KCNMA1: variants seen among roughly 807,000 people sequenced by gnomAD.
KCNMA1 encodes the protein potassium calcium-activated channel subfamily M alpha 1, also known as Calcium-activated potassium channel subunit alpha-1.
A neutral mutation model predicts 140.0 loss-of-function variants in KCNMA1; 29 were observed. That is an observed-to-expected ratio of 0.21 (90% confidence interval 0.15 to 0.28). KCNMA1 has a LOEUF of 0.28. KCNMA1 is among the 10% of genes least tolerant of loss of function. The pLI is 1.00. For synonymous variants in KCNMA1, 612 were observed against 611.9 expected, an observed-to-expected ratio of 1.00 and a Z score of 0.00; for missense variants, 880 against 1,602.2, an observed-to-expected ratio of 0.55 and a Z score of 7.70.
chr10:77,618,109 T>A (rs1021407019), intron 1 of KCNMA1, among the ~76,000 whole-genome samples: 1 of 152,128 alleles, frequency 6.6e-6, no homozygotes, highest in Admixed American at 6.6e-5. Context: ...TCCGGACAGA[T>A]GCAGAGGGTC....
chr10:77,033,798 T>C (rs915284655), intron 15 of KCNMA1, among the ~76,000 whole-genome samples: 7 of 152,098 alleles, frequency 4.6e-5, no homozygotes, highest in African/African-American at 1.2e-4. Context: ...ATTCACTAGC[T>C]CATAGAAGGT....
chr10:77,190,462 A>G (rs1298027782), intron 3 of KCNMA1, among the ~76,000 whole-genome samples: 1 of 152,166 alleles, frequency 6.6e-6, no homozygotes, highest in Admixed American at 6.5e-5. Context: ...CTTGTGCCAT[A>G]CCACTTCCTC....
In KCNMA1 at chr10:77,571,518, T is replaced by C. The variant is rs138779344; in HGVS notation, c.378+65747A>G. On this transcript the variant is annotated intron_variant, in intron 1 of 27. Coordinates refer to ENST00000286628, the MANE Select transcript of KCNMA1 (RefSeq NM_001161352.2). ...TTACAAATTCTCACAGCAAACATTGTTCCATCCTTTGGCAAGCCAAAGCCA... is the reference window on the plus strand; with the variant it reads ...TTACAAATTCTCACAGCAAACATTGCTCCATCCTTTGGCAAGCCAAAGCCA... Among the ~76,000 whole-genome samples the C allele has an allele frequency of 1.3e-3, 192 of 152,296 alleles. 1 individual carries two copies. The highest frequency in any genetic ancestry group is 4.0e-3 in the African/African-American group (165 of 41,566).
At chr10:77,469,230 G>A (rs1043492190) in intron 1 of KCNMA1, among the ~76,000 whole-genome samples, 1 of 151,792 alleles carries the variant, frequency 6.6e-6, no homozygotes, top group Non-Finnish European at 1.5e-5. Flanking sequence ...GACAACTTAG[G>A]ATGCAGTTAG....
chr10:77,268,641 G>A (rs565192050), intron 2 of KCNMA1, among the ~76,000 whole-genome samples: 10 of 152,188 alleles, frequency 6.6e-5, no homozygotes, highest in South Asian at 2.1e-4. Flanking sequence ...ATCGCTTCCC[G>A]GTGAAAAGAG....
intron 1 of KCNMA1, among the ~76,000 whole-genome samples, chr10:77,478,017 T>C (rs1341841799): frequency 1.3e-5 from 2 of 152,222 alleles, no homozygotes; most frequent in Non-Finnish European, 2.9e-5. Flanking sequence ...AGGTACATGA[T>C]ACCCTCTGCC....
intron 2 of KCNMA1, among the ~76,000 whole-genome samples, chr10:77,280,232 G>A (rs2068030278): frequency 6.6e-6 from 1 of 152,246 alleles, no homozygotes; most frequent in African/African-American, 2.4e-5. Flanking sequence ...AGGGGAAAAT[G>A]AAGTATGCTG....
intron 5 of KCNMA1, among the ~76,000 whole-genome samples, chr10:77,155,032 C>T (rs2098466971): frequency 1.3e-5 from 2 of 152,158 alleles, no homozygotes; most frequent in South Asian, 4.1e-4. Context: ...CGGGTTGCTG[C>T]CTGCCATTGC....
chr10:77,515,692 C>A (rs908598153), intron 1 of KCNMA1, among the ~76,000 whole-genome samples: 5 of 152,170 alleles, frequency 3.3e-5, no homozygotes, highest in African/African-American at 1.2e-4. Context: ...TTGTGGTTCA[C>A]CCCTCGGCTT....
At chr10:76,933,114 C>T (rs929330916) in intron 23 of KCNMA1, among the ~76,000 whole-genome samples, 5 of 152,184 alleles carry the variant, frequency 3.3e-5, no homozygotes, top group African/African-American at 9.7e-5. Context: ...CTCTGTAACC[C>T]TTGTCCAGTG....
chr10:77,397,337 C>G lies in KCNMA1; in HGVS notation c.540+6525G>C, dbSNP rs1000384909. 5.3e-5 allele frequency among the ~76,000 whole-genome samples: 8 copies of G among 152,106 alleles called. No individual in the cohort carries two copies. In the East Asian group the frequency reaches 1.5e-3, roughly 29 times the overall value. On this transcript the variant is annotated intron_variant, in intron 2 of 27. Coordinates refer to ENST00000286628, the MANE Select transcript of KCNMA1 (RefSeq NM_001161352.2). Reference sequence around the variant, plus strand: ...GGTGTGTGAAACAAATCTGGCCCACCACCTGTTTCTTTTTTTAAAACGTTG... The same window carrying G: ...GGTGTGTGAAACAAATCTGGCCCACGACCTGTTTCTTTTTTTAAAACGTTG...
At chr10:77,345,719 C>G (rs913596271) in intron 2 of KCNMA1, among the ~76,000 whole-genome samples, 4 of 152,264 alleles carry the variant, frequency 2.6e-5, no homozygotes, top group Non-Finnish European at 5.9e-5. Flanking sequence ...ACCCCCTACT[C>G]TGCACCATGC....
At chr10:77,112,809 G>T (rs934040577) in intron 6 of KCNMA1, among the ~76,000 whole-genome samples, 2 of 150,676 alleles carry the variant, frequency 1.3e-5, no homozygotes, top group Non-Finnish European at 1.5e-5. Context: ...TATCCCCCCC[G>T]CCCTTTTTTC....
intron 1 of KCNMA1, among the ~76,000 whole-genome samples, chr10:77,606,412 G>A (rs370830005): frequency 7.2e-5 from 11 of 152,118 alleles, no homozygotes; most frequent in East Asian, 3.9e-4. Flanking sequence ...GGGGACGATC[G>A]CTTGAGGCTG....
At chr10:77,174,260 T>G (rs1187733492) in intron 5 of KCNMA1, among the ~76,000 whole-genome samples, 1 of 152,172 alleles carries the variant, frequency 6.6e-6, no homozygotes, top group African/African-American at 2.4e-5. Flanking sequence ...TCTCTAGCAT[T>G]TCTTCAGGAA....
chr10:77,445,794 G>C (rs1190147922), intron 1 of KCNMA1, among the ~76,000 whole-genome samples: 1 of 152,178 alleles, frequency 6.6e-6, no homozygotes, highest in Non-Finnish European at 1.5e-5. Flanking sequence ...GCTGAGAGAG[G>C]CTAGCGCAAA....
At chr10:77,633,735 A>G (rs1362106156) in intron 1 of KCNMA1, among the ~76,000 whole-genome samples, 4 of 152,190 alleles carry the variant, frequency 2.6e-5, no homozygotes, top group African/African-American at 9.7e-5. Context: ...ATCAAGCCCA[A>G]GCTTCTACAA....
chr10:77,587,905 A>G, intron 1 of KCNMA1: 3 of 973,050 alleles, frequency 3.1e-6, no homozygotes, highest in African/African-American at 1.8e-5. Flanking sequence ...TCTGCCTTCA[A>G]GATGTTTATA....
intron 2 of KCNMA1, among the ~76,000 whole-genome samples, chr10:77,377,029 T>G (rs995365190): frequency 1.3e-5 from 2 of 151,992 alleles, no homozygotes; most frequent in African/African-American, 4.8e-5. Flanking sequence ...GTGGGAACAC[T>G]TAGATTACAG....
Sources: gnomAD v4.1 joint callset for allele counts (sites outside exome capture counted in the v4.1 genomes callset) on GRCh38, gnomAD v4.1.1 for gene constraint, MANE v1.5 for transcripts, NCBI Gene and HGNC (gene_info 2026-07-23, HGNC 2026-07-21) for gene names.